GLRA2: variants seen among roughly 807,000 people sequenced by gnomAD.
GLRA2 encodes glycine receptor alpha 2.
A neutral mutation model predicts 31.6 loss-of-function variants in GLRA2; 11 were observed. The observed-to-expected ratio is 0.35, with a 90% CI of 0.22 to 0.58. The LOEUF is 0.58. Among genes scored for constraint, GLRA2 ranks in the 20% least tolerant of loss-of-function variants. The probability of loss-of-function intolerance (pLI) is 0.84; values close to 1 mark genes in which losing one functional copy is unlikely to be tolerated. For missense variants in GLRA2, 212 were observed against 351.8 expected (o/e 0.60, Z 3.18); for synonymous variants, 132 against 134.0 (o/e 0.99, Z 0.10).
intron 7 of GLRA2, among the ~76,000 whole-genome samples, chrX:14,628,641 G>A (rs763682160): frequency 8.9e-6 from 1 of 111,996 alleles, no homozygotes; most frequent in African/African-American, 3.2e-5. Context: ...CTTAATAATA[G>A]GTACCTATAT....
intron 2 of GLRA2, among the ~76,000 whole-genome samples, chrX:14,547,613 C>T (rs1435837431): frequency 1.8e-5 from 2 of 111,532 alleles, no homozygotes; most frequent in South Asian, 3.7e-4. Context: ...ACATCTCAAG[C>T]CACACCTTCC....
chrX:14,459,448 A>G, the GLRA2 span, among the ~76,000 whole-genome samples: 602 of 110,340 alleles, frequency 5.5e-3, 11 homozygotes, highest in Admixed American at 0.039. Context: ...CATTGAATCT[A>G]TAAATTACCT....
chrX:14,463,014 C>T, the GLRA2 span, among the ~76,000 whole-genome samples: 1 of 111,593 alleles, frequency 9.0e-6, no homozygotes, highest in East Asian at 2.8e-4. Flanking sequence ...TGTTGGTGAC[C>T]TACAATTGGG....
At chrX:14,672,228 T>C (rs2091101038) in intron 7 of GLRA2, among the ~76,000 whole-genome samples, 1 of 112,343 alleles carries the variant, frequency 8.9e-6, no homozygotes, top group Admixed American at 9.4e-5. Flanking sequence ...TTACTTTAGA[T>C]AGTCATACTG....
intron 4 of GLRA2, among the ~76,000 whole-genome samples, chrX:14,603,374 G>A (rs1033226615): frequency 2.7e-5 from 3 of 110,442 alleles, no homozygotes; most frequent in Admixed American, 9.6e-5. Flanking sequence ...CACTCTGTGG[G>A]TTGTCTGTTT....
intron 7 of GLRA2, among the ~76,000 whole-genome samples, chrX:14,640,991 T>C (rs981308235): frequency 1.8e-5 from 2 of 111,193 alleles, no homozygotes; most frequent in African/African-American, 6.5e-5. Flanking sequence ...TAGCAAAATA[T>C]GAGAGTTCCA....
At chrX:14,493,616 T>C in the GLRA2 span, among the ~76,000 whole-genome samples, 5 of 103,110 alleles carry the variant, frequency 4.8e-5, no homozygotes, top group Non-Finnish European at 7.8e-5. Flanking sequence ...CATATACACA[T>C]ATATACACAT....
the GLRA2 span, among the ~76,000 whole-genome samples, chrX:14,460,173 G>A: frequency 1.8e-5 from 2 of 111,675 alleles, no homozygotes; most frequent in South Asian, 3.8e-4. Flanking sequence ...GATGGATTAC[G>A]TTTTTGATTT....
intron 7 of GLRA2, among the ~76,000 whole-genome samples, chrX:14,662,602 G>C (rs2091002234): frequency 9.0e-6 from 1 of 111,461 alleles, no homozygotes; most frequent in Admixed American, 9.6e-5. Context: ...TTAATTTTCT[G>C]AACAAGAATA....
In GLRA2 at chrX:14,557,102, C is replaced by CT. The variant is rs58282642; in HGVS notation, c.203-17200dup. On this transcript the variant is annotated intron_variant, in intron 2 of 8. Coordinates refer to ENST00000218075, the MANE Select transcript of GLRA2 (RefSeq NM_002063.4). Reference sequence around the variant, plus strand: ...TGCCATGTCTTCACCTAAAGTATTTCTTTTTTTTTTTTTTTTTTTTTTTTT... The same window carrying CT: ...TGCCATGTCTTCACCTAAAGTATTTCTTTTTTTTTTTTTTTTTTTTTTTTTT... Among the ~76,000 whole-genome samples, 197 of 46,329 alleles carry CT rather than the reference C, an allele frequency of 4.3e-3. 18 individuals are homozygous for CT. Among genetic ancestry groups the CT allele is most frequent in the African/African-American group, 7.0e-3 (73 of 10,465 alleles). The allele number at this position is 46,329 out of a possible 115,157, so 40.2% of individuals were successfully genotyped here.
At chrX:14,522,730 C>T in the GLRA2 span, among the ~76,000 whole-genome samples, 17 of 111,810 alleles carry the variant, frequency 1.5e-4, no homozygotes, top group East Asian at 4.8e-3. Flanking sequence ...CTTGGGTGAC[C>T]AGAACCCTTG....
chrX:14,727,636 AT>A (rs2091943736), intron 8 of GLRA2, among the ~76,000 whole-genome samples: 1 of 112,376 alleles, frequency 8.9e-6, no homozygotes, highest in Admixed American at 9.4e-5. Flanking sequence ...GTTATTCCAC[AT>A]TTTGAAAGGC....
At chrX:14,537,394 G>A (rs1188846397) in intron 2 of GLRA2, among the ~76,000 whole-genome samples, 1 of 111,024 alleles carries the variant, frequency 9.0e-6, no homozygotes, top group Non-Finnish European at 1.9e-5. Context: ...ATTCAAAAGG[G>A]TAATTAATTG....
chrX:14,558,019 AAAAAC>A (rs532687874), intron 2 of GLRA2, among the ~76,000 whole-genome samples: 45 of 112,200 alleles, frequency 4.0e-4, no homozygotes, highest in African/African-American at 1.3e-3. Context: ...GCTAAGAAGA[AAAAAC>A]AAAACAAAAC....
At chrX:14,535,792 G>A (rs893819297) in intron 2 of GLRA2, among the ~76,000 whole-genome samples, 2 of 112,296 alleles carry the variant, frequency 1.8e-5, no homozygotes, top group African/African-American at 3.2e-5. Flanking sequence ...CATCCTATCA[G>A]ATATTCTTCT....
At chrX:14,462,591 T>A in the GLRA2 span, among the ~76,000 whole-genome samples, 1 of 111,827 alleles carries the variant, frequency 8.9e-6, no homozygotes, top group Admixed American at 9.5e-5. Context: ...CTTTATTTCA[T>A]TAATTTGATC....
intron 3 of GLRA2, among the ~76,000 whole-genome samples, chrX:14,577,399 A>G (rs1359451729): frequency 8.8e-6 from 1 of 113,069 alleles, no homozygotes; most frequent in African/African-American, 3.2e-5. Flanking sequence ...CTCCAACAAG[A>G]AAGGGCCTCA....
At chrX:14,462,478 G>A in the GLRA2 span, among the ~76,000 whole-genome samples, 8 of 111,859 alleles carry the variant, frequency 7.2e-5, no homozygotes, top group South Asian at 1.1e-3. Context: ...TCACTTTCAC[G>A]TACACCAATC....
At chrX:14,497,692 A>G in the GLRA2 span, among the ~76,000 whole-genome samples, 7 of 111,702 alleles carry the variant, frequency 6.3e-5, no homozygotes. Flanking sequence ...CAGATTTTAA[A>G]AGGCAAAAGC....
Sources: gnomAD v4.1 joint callset for allele counts (sites outside exome capture counted in the v4.1 genomes callset) on GRCh38, gnomAD v4.1.1 for gene constraint, MANE v1.5 for transcripts, NCBI Gene and HGNC (gene_info 2026-07-23, HGNC 2026-07-21) for gene names.